The following NKAIN3 variants were observed in gnomAD, a reference collection of about 807,000 sequenced individuals.
NKAIN3 encodes the protein sodium/potassium transporting ATPase interacting 3.
In NKAIN3, 25 loss-of-function variants were observed where a neutral mutation model predicts 30.2. That is an observed-to-expected ratio of 0.83 (90% CI 0.60 to 1.16). NKAIN3 has a LOEUF of 1.16. Ranked by LOEUF, NKAIN3 falls within the 50% of genes most tolerant of loss-of-function variation. The pLI is 0.00. For synonymous variants in NKAIN3, 91 were observed against 89.6 expected (o/e 1.02, Z -0.09); for missense variants, 225 against 254.1 (o/e 0.89, Z 0.78).
At chr8:62,399,755 G>C (rs1563381127) in intron 1 of NKAIN3, among the ~76,000 whole-genome samples, 1 of 152,162 alleles carries the variant, frequency 6.6e-6, no homozygotes, top group Admixed American at 6.5e-5. Flanking sequence ...CTGCCTAAAT[G>C]AAAGACATAG....
chr8:62,710,224 T>A (rs1305010822), intron 3 of NKAIN3, among the ~76,000 whole-genome samples: 3 of 152,156 alleles, frequency 2.0e-5, no homozygotes, highest in African/African-American at 7.2e-5. Context: ...CTTCTGTATA[T>A]ATCTGTTAAG....
intron 1 of NKAIN3, among the ~76,000 whole-genome samples, chr8:62,397,303 C>CT (rs796641805): frequency 1.1e-4 from 16 of 150,670 alleles, no homozygotes; most frequent in East Asian, 5.8e-4. Context: ...TAAAATTCAC[C>CT]TTTTTTTTTC....
chr8:62,445,579 A>C (rs1435144757), intron 1 of NKAIN3, among the ~76,000 whole-genome samples: 3 of 152,172 alleles, frequency 2.0e-5, no homozygotes, highest in African/African-American at 7.2e-5. Flanking sequence ...AGAAGTGAGA[A>C]GGTGAAATAC....
chr8:62,926,730 C>A (rs552136767), intron 5 of NKAIN3, among the ~76,000 whole-genome samples: 1 of 152,086 alleles, frequency 6.6e-6, no homozygotes, highest in Non-Finnish European at 1.5e-5. Context: ...GACTCTGTCA[C>A]ACAAAAAAAT....
Position 62,870,668 on chromosome 8 carries a change from G to GATATCTAT in NKAIN3, c.472-47774_472-47767dup, listed in dbSNP as rs1158470509. On this transcript the variant is annotated intron_variant, in intron 4 of 6. Coordinates refer to ENST00000623646, the MANE Select transcript of NKAIN3 (RefSeq NM_001304533.3). ...ATATATCTATATCTAGATATATATAGATATCTATATATCTATATCTCTCTA... is the reference window on the plus strand; with the variant it reads ...ATATATCTATATCTAGATATATATAGATATCTATATATCTATATATCTATATCTCTCTA... Among the ~76,000 whole-genome samples, 392 of 100,788 alleles carry GATATCTAT rather than the reference G, an allele frequency of 3.9e-3. 5 individuals carry two copies. The highest frequency in any genetic ancestry group is 0.01 in the South Asian group (32 of 3,186). The allele number at this position is 100,788 out of a possible 152,430, so 66.1% of individuals were successfully genotyped here.
At chr8:62,783,208 A>G (rs901394775) in intron 4 of NKAIN3, among the ~76,000 whole-genome samples, 1 of 152,172 alleles carries the variant, frequency 6.6e-6, no homozygotes, top group African/African-American at 2.4e-5. Flanking sequence ...CAAAGATGAT[A>G]GTATAAACAG....
chr8:62,528,511 C>G (rs1370850356), intron 1 of NKAIN3, among the ~76,000 whole-genome samples: 5 of 151,552 alleles, frequency 3.3e-5, no homozygotes, highest in African/African-American at 1.2e-4. Flanking sequence ...ATTTGCCCAG[C>G]ATTGGCATTT....
intron 1 of NKAIN3, among the ~76,000 whole-genome samples, chr8:62,347,826 T>C (rs1289189288): frequency 6.6e-6 from 1 of 152,110 alleles, no homozygotes; most frequent in Non-Finnish European, 1.5e-5. Context: ...AAGCAAGAGC[T>C]ACTCATTCTT....
intron 1 of NKAIN3, among the ~76,000 whole-genome samples, chr8:62,274,892 A>T (rs1051974555): frequency 6.6e-6 from 1 of 152,080 alleles, no homozygotes; most frequent in African/African-American, 2.4e-5. Context: ...GATGGTTTCC[A>T]GTTTCATCCA....
At chr8:62,524,139 A>T (rs1262731926) in intron 1 of NKAIN3, among the ~76,000 whole-genome samples, 13 of 152,084 alleles carry the variant, frequency 8.5e-5, no homozygotes, top group Admixed American at 7.9e-4. Flanking sequence ...CTACTCTAGA[A>T]TCCTGGTCAT....
intron 4 of NKAIN3, among the ~76,000 whole-genome samples, chr8:62,865,613 TTCCCCTTTG>T (rs765718804): frequency 1.1e-4 from 16 of 152,210 alleles, no homozygotes; most frequent in African/African-American, 1.4e-4. Flanking sequence ...GAGAAATACT[TTCCCCTTTG>T]TGTTTTGGCA....
chr8:62,509,518 G>C (rs529673733), intron 1 of NKAIN3, among the ~76,000 whole-genome samples: 26 of 152,066 alleles, frequency 1.7e-4, no homozygotes, highest in Non-Finnish European at 3.4e-4. Flanking sequence ...CTAATCTATG[G>C]GCTATTAATG....
intron 4 of NKAIN3, among the ~76,000 whole-genome samples, chr8:62,827,576 G>C (rs1215669831): frequency 6.6e-6 from 1 of 152,140 alleles, no homozygotes; most frequent in South Asian, 2.1e-4. Context: ...GCAAGAGGCA[G>C]ATGACCTGTG....
intron 4 of NKAIN3, among the ~76,000 whole-genome samples, chr8:62,850,809 G>A (rs1303741236): frequency 6.6e-6 from 1 of 152,028 alleles, no homozygotes; most frequent in Non-Finnish European, 1.5e-5. Context: ...TGTTCCATTG[G>A]TCTATATCTC....
chr8:62,514,126 T>C (rs937990532), intron 1 of NKAIN3, among the ~76,000 whole-genome samples: 3 of 152,050 alleles, frequency 2.0e-5, no homozygotes, highest in Non-Finnish European at 4.4e-5. Flanking sequence ...AGCAGAGAAT[T>C]CCCAGCTTAC....
At chr8:62,666,911 A>G (rs1563507711) in intron 3 of NKAIN3, among the ~76,000 whole-genome samples, 2 of 152,094 alleles carry the variant, frequency 1.3e-5, no homozygotes, top group Non-Finnish European at 2.9e-5. Flanking sequence ...CCTCTGATGC[A>G]CATGCCCAAT....
intron 5 of NKAIN3, among the ~76,000 whole-genome samples, chr8:62,947,310 C>A (rs999770102): frequency 1.3e-5 from 2 of 152,116 alleles, no homozygotes; most frequent in South Asian, 2.1e-4. Context: ...TCCGCACTCC[C>A]GTGACATCTG....
At chr8:62,565,538 A>G (rs1313858507) in intron 1 of NKAIN3, among the ~76,000 whole-genome samples, 2 of 152,178 alleles carry the variant, frequency 1.3e-5, no homozygotes, top group Non-Finnish European at 2.9e-5. Flanking sequence ...ACATTTCAGT[A>G]TAAATGGCAG....
At chr8:62,798,187 C>T (rs1342274627) in intron 4 of NKAIN3, among the ~76,000 whole-genome samples, 1 of 152,120 alleles carries the variant, frequency 6.6e-6, no homozygotes, top group Non-Finnish European at 1.5e-5. Context: ...CTTGCAGCAC[C>T]TTGCAGAGTT....
Sources: allele counts gnomAD v4.1 joint callset (sites outside exome capture counted in the v4.1 genomes callset), GRCh38; gene constraint gnomAD v4.1.1; transcripts MANE v1.5; gene names NCBI Gene and HGNC (gene_info 2026-07-23, HGNC 2026-07-21).